The following RNF180 variants were observed in gnomAD, a reference collection of about 807,000 sequenced individuals.
The protein encoded by RNF180 is ring finger protein 180.
A neutral mutation model predicts 59.2 loss-of-function variants in RNF180; 38 were observed. The observed-to-expected ratio is 0.64, with a 90% CI of 0.50 to 0.84. The LOEUF is 0.84. Among genes scored for constraint, RNF180 ranks in the 40% least tolerant of loss-of-function variants. The pLI, the probability that RNF180 is intolerant of heterozygous loss-of-function variation, is 0.00. For missense variants in RNF180, 705 were observed against 700.9 expected (o/e 1.01, Z -0.07); for synonymous variants, 262 against 240.3 (o/e 1.09, Z -0.84).
At chr5:64,184,122 G>A (rs2111964716) in intron 1 of RNF180, among the ~76,000 whole-genome samples, 1 of 152,328 alleles carries the variant, frequency 6.6e-6, no homozygotes, top group African/African-American at 2.4e-5. Flanking sequence ...GACACATTGA[G>A]AAGACAGCCA....
At chr5:64,196,132 G>A (rs982393026) in intron 1 of RNF180, among the ~76,000 whole-genome samples, 5 of 151,412 alleles carry the variant, frequency 3.3e-5, no homozygotes, top group African/African-American at 9.7e-5. Context: ...TTTCTAACAA[G>A]ATGGAAACAC....
chr5:64,295,140 T>A (rs1742817944), intron 5 of RNF180, among the ~76,000 whole-genome samples: 1 of 152,200 alleles, frequency 6.6e-6, no homozygotes, highest in African/African-American at 2.4e-5. Flanking sequence ...TTTCATTATG[T>A]GAATATACTA....
chr5:64,343,819 A>G lies in RNF180; in HGVS notation c.1579+13413A>G, dbSNP rs112635037. ...TGAAATAAAGACATTTCAGGTATCC[A>G]GTAGACCTACACTACAAGAAAAACT... On this transcript the variant is annotated intron_variant, in intron 7 of 7. Coordinates refer to ENST00000389100, the MANE Select transcript of RNF180 (RefSeq NM_001113561.2). Among the ~76,000 whole-genome samples the G allele has an allele frequency of 1.3e-4, 19 of 151,588 alleles. 4 individuals carry two copies. The highest frequency in any genetic ancestry group is 4.6e-4 in the African/African-American group (19 of 41,376).
intron 1 of RNF180, among the ~76,000 whole-genome samples, chr5:64,170,736 A>G (rs892007977): frequency 6.6e-6 from 1 of 152,188 alleles, no homozygotes; most frequent in African/African-American, 2.4e-5. Flanking sequence ...GAAGAGAAGC[A>G]GGTGGCATCA....
intron 7 of RNF180, among the ~76,000 whole-genome samples, chr5:64,369,358 C>T (rs1746572770): frequency 6.6e-6 from 1 of 151,482 alleles, no homozygotes; most frequent in African/African-American, 2.4e-5. Context: ...ATACCTAATG[C>T]TAAATGATGA....
intron 5 of RNF180, among the ~76,000 whole-genome samples, chr5:64,277,477 A>G (rs1218652813): frequency 2.6e-5 from 4 of 152,132 alleles, no homozygotes; most frequent in African/African-American, 9.7e-5. Context: ...AAGGAAAGGT[A>G]TGAGAGGAGT....
intron 7 of RNF180, among the ~76,000 whole-genome samples, chr5:64,351,380 T>C (rs894231909): frequency 1.3e-5 from 2 of 152,148 alleles, no homozygotes; most frequent in Non-Finnish European, 2.9e-5. Flanking sequence ...CTTTTCCTAA[T>C]TGAATACCCT....
chr5:64,349,095 C>T (rs1458549960), intron 7 of RNF180, among the ~76,000 whole-genome samples: 2 of 152,040 alleles, frequency 1.3e-5, no homozygotes, highest in South Asian at 2.1e-4. Flanking sequence ...TAACCCAACA[C>T]TGCTTGCTAT....
chr5:64,322,518 A>G (rs1245290287), intron 5 of RNF180, among the ~76,000 whole-genome samples: 2 of 151,942 alleles, frequency 1.3e-5, no homozygotes, highest in Non-Finnish European at 2.9e-5. Context: ...GGCTGTGGAG[A>G]AATAGGAATG....
chr5:64,309,362 C>T (rs1204582890), intron 5 of RNF180, among the ~76,000 whole-genome samples: 3 of 151,730 alleles, frequency 2.0e-5, no homozygotes, highest in Non-Finnish European at 4.4e-5. Context: ...AACATATTCA[C>T]TCAGAGTACA....
rs1752460036 is a variant in RNF180 at position 64,213,887 on chromosome 5, A to C, written c.561A>C (p.Arg187=). 2.5e-6 allele frequency: 4 copies of C among 1,614,130 alleles called. No individual in the cohort carries two copies. The East Asian group carries it at 8.9e-5, about 36-fold the overall frequency. Residue 187 remains arginine (R), a synonymous_variant, in exon 4 of 8, where the codon CGA becomes CGC. Transcript: ENST00000389100. ...CAGAAGCACTCTGCCTGGAGGTGCG[A>C]CCAACATATTTTGAGATGAAGAACG... ...RLTEALCLEV[R]PTYFEMKNEK... is the part of the protein sequence containing the mutation.
chr5:64,170,187 T>C (rs1749867742), intron 1 of RNF180, among the ~76,000 whole-genome samples: 1 of 152,228 alleles, frequency 6.6e-6, no homozygotes, highest in Non-Finnish European at 1.5e-5. Context: ...TGTGGATATA[T>C]TGCTTGGAAT....
rs559640530 is a variant in RNF180, at chr5:64,314,341, T to C, written c.1228-10845T>C. ...AGCTTTTATTTATTTGGGTCTCAGATAGATAGAATTTGTCATTATTTAGAT... is the reference window on the plus strand; with the variant it reads ...AGCTTTTATTTATTTGGGTCTCAGACAGATAGAATTTGTCATTATTTAGAT... On this transcript the variant is annotated intron_variant, in intron 5 of 7. Coordinates refer to ENST00000389100, the MANE Select transcript of RNF180 (RefSeq NM_001113561.2). 8.4e-4 allele frequency among the ~76,000 whole-genome samples: 128 copies of C among 152,226 alleles called. 1 individual carries two copies. Among genetic ancestry groups the C allele is most frequent in the African/African-American group, 3.0e-3 (125 of 41,554 alleles).
At chr5:64,199,317 T>C (rs537927982) in intron 1 of RNF180, among the ~76,000 whole-genome samples, 29 of 152,176 alleles carry the variant, frequency 1.9e-4, no homozygotes, top group African/African-American at 6.8e-4. Flanking sequence ...TGTCTGTCCA[T>C]GTTCCCTCTC....
intron 5 of RNF180, among the ~76,000 whole-genome samples, chr5:64,232,462 A>G (rs1742153384): frequency 6.6e-6 from 1 of 152,066 alleles, no homozygotes; most frequent in Non-Finnish European, 1.5e-5. Context: ...GAACTCCTGG[A>G]CTCAAGTGAC....
At chr5:64,337,009 T>TGTTTTTG (rs200109942) in intron 7 of RNF180, among the ~76,000 whole-genome samples, 10 of 151,522 alleles carry the variant, frequency 6.6e-5, no homozygotes, top group African/African-American at 9.7e-5. Context: ...TTGTTGTTTT[T>TGTTTTTG]TTTTTGTTTT....
chr5:64,245,918 T>G (rs1345343934), intron 5 of RNF180, among the ~76,000 whole-genome samples: 1 of 152,176 alleles, frequency 6.6e-6, no homozygotes, highest in Non-Finnish European at 1.5e-5. Context: ...ACGAACAGTC[T>G]CTCAGATGAC....
intron 5 of RNF180, among the ~76,000 whole-genome samples, chr5:64,278,140 T>C (rs1047656701): frequency 6.6e-6 from 1 of 152,124 alleles, no homozygotes; most frequent in Admixed American, 6.6e-5. Context: ...CCTAAAAATG[T>C]GAGATTGCTG....
At chr5:64,172,328 G>A (rs1749982086) in intron 1 of RNF180, among the ~76,000 whole-genome samples, 1 of 152,082 alleles carries the variant, frequency 6.6e-6, no homozygotes, top group Non-Finnish European at 1.5e-5. Flanking sequence ...GGGGGCTGGG[G>A]GTTGTTGTAC....
Sources: gnomAD v4.1 joint callset for allele counts (sites outside exome capture counted in the v4.1 genomes callset) on GRCh38, gnomAD v4.1.1 for gene constraint, MANE v1.5 for transcripts, NCBI Gene and HGNC (gene_info 2026-07-23, HGNC 2026-07-21) for gene names.